Variants in PRMT1 observed in about 807,000 individuals in gnomAD.
PRMT1 encodes protein arginine N-methyltransferase 1.
In PRMT1, 5 loss-of-function variants were observed where a neutral mutation model predicts 47.4. That is an observed-to-expected ratio of 0.11 (90% CI 0.06 to 0.22). The LOEUF (loss-of-function observed/expected upper bound fraction) is 0.22. Ranked by LOEUF, PRMT1 falls within the 10% of genes least tolerant of loss-of-function variation. The probability of loss-of-function intolerance (pLI) is 1.00; values close to 1 mark genes in which losing one functional copy is unlikely to be tolerated. For missense variants in PRMT1, 249 were observed against 518.4 expected (o/e 0.48, Z 5.05); for synonymous variants, 227 against 204.6 (o/e 1.11, Z -0.94).
chr19:49,677,508 C>T (rs376815233), intron 1 of PRMT1, 192 bp downstream of exon 1: 75 of 437,778 alleles, frequency 1.7e-4, no homozygotes, highest in African/African-American at 9.3e-4. Flanking sequence ...GGGCCTTCGG[C>T]ATCCGGCCTA....
rs758620110 is a variant in PRMT1 at position 49,688,268 on chromosome 19, C to A, written c.*23C>A. ...TGAGGCCCGGCTCTCCCGCCCTGCACGAGCCCAGGGGCTGAGCGTTCCTAG... is the reference window on the plus strand; with the variant it reads ...TGAGGCCCGGCTCTCCCGCCCTGCAAGAGCCCAGGGGCTGAGCGTTCCTAG... On this transcript the variant is annotated 3_prime_UTR_variant, in exon 11 of 11. Coordinates refer to ENST00000454376, the MANE Select transcript of PRMT1 (RefSeq NM_001536.6). This position sits in a 1 kb window ranked among gnomAD's most constrained non-coding sequence, Gnocchi z 5.3. 2.5e-6 allele frequency: 4 copies of A among 1,610,682 alleles called. No individual in the cohort carries two copies. The highest frequency in any genetic ancestry group is 2.5e-6 in the Non-Finnish European group (3 of 1,177,764).
chr19:49,683,583 G>A (rs1426526275), intron 5 of PRMT1: 11 of 199,052 alleles, frequency 5.5e-5, no homozygotes, highest in Non-Finnish European at 1.2e-4. Context: ...AGCTACTCGG[G>A]AGGCTGAAGC....
upstream of PRMT1, chr19:49,677,160 T>G: frequency 1.0e-6 from 1 of 988,902 alleles, no homozygotes; most frequent in Non-Finnish European, 1.4e-6. Context: ...CCATTGCCAA[T>G]GAAATCTTCC....
intron 10 of PRMT1, among the ~76,000 whole-genome samples, chr19:49,687,082 G>T (rs945255482): frequency 5.3e-5 from 8 of 152,180 alleles, no homozygotes; most frequent in Non-Finnish European, 1.0e-4. Flanking sequence ...GGGCAGACAG[G>T]TGTTGGTGTA....
In PRMT1 at chr19:49,684,705, G is replaced by T; in HGVS notation, c.556-49G>T. 1 of 1,526,654 alleles carries T rather than the reference G, an allele frequency of 6.6e-7. No individual in the cohort carries two copies. The highest frequency in any genetic ancestry group is 8.9e-7 in the Non-Finnish European group (1 of 1,127,156). 94.6% of individuals were successfully genotyped at this position (1,526,654 alleles called of 1,614,324 possible). Reference sequence around the variant, plus strand: ...CCACATCTTGGAGGCAAGACTCAGGGTAGTGTTGCCAGGCCCCACCCTTCA... The same window carrying T: ...CCACATCTTGGAGGCAAGACTCAGGTTAGTGTTGCCAGGCCCCACCCTTCA... On this transcript the variant is annotated intron_variant, in intron 6 of 10. Transcript: ENST00000454376. The surrounding 1 kb of genome is among the most constrained non-coding windows in gnomAD (Gnocchi z 6.2).
In PRMT1 at chr19:49,685,433, C is replaced by T; in HGVS notation, c.759+396C>T. The stretch of plus-strand genomic sequence containing the variant: ...AGCTACTCGGGAGGATCACTTGGGC[C>T]TGGGAGTTCAAGGCTGCAGTGAGCT... On this transcript the variant is annotated intron_variant, in intron 8 of 10. Transcript: ENST00000454376. This position sits in a 1 kb window ranked among gnomAD's most constrained non-coding sequence, Gnocchi z 4.7. 3 of 1,183,220 alleles carry T rather than the reference C, an allele frequency of 2.5e-6. No individual in the cohort carries two copies. The highest frequency in any genetic ancestry group is 3.8e-4 in the Middle Eastern group (1 of 2,650). The allele number at this position is 1,183,220 out of a possible 1,614,324, so 73.3% of individuals were successfully genotyped here. A position where few individuals can be genotyped will look rare whatever the true frequency, so the allele number is the denominator to read the frequency against.
chr19:49,688,077 C>A lies in PRMT1; in HGVS notation c.1033-85C>A. 8.4e-7 allele frequency: 1 copy of A among 1,187,394 alleles called. No individual in the cohort carries two copies. Among genetic ancestry groups the A allele is most frequent in the Non-Finnish European group, 1.3e-6 (1 of 791,654 alleles). 73.6% of individuals were successfully genotyped at this position (1,187,394 alleles called of 1,614,324 possible). On this transcript the variant is annotated intron_variant, in intron 10 of 10. Coordinates refer to ENST00000454376, the MANE Select transcript of PRMT1 (RefSeq NM_001536.6). This position sits in a 1 kb window ranked among gnomAD's most constrained non-coding sequence, Gnocchi z 5.3. ...AGATGGGCAGGAAGCTGGAGCCCGG[C>A]TCATCGTCGCATAGCCTGCCTGCAC...
At chr19:49,676,545 A>G (rs1372012178), upstream of PRMT1, 3 of 152,152 alleles carry the variant, frequency 2.0e-5, no homozygotes, top group African/African-American at 7.2e-5. Flanking sequence ...CTAGGGATTT[A>G]ATGTGTTGAC....
Position 49,685,391 on chromosome 19 carries a change from G to C in PRMT1, c.759+354G>C, listed in dbSNP as rs2082190002. The C allele has an allele frequency of 8.1e-7, 1 of 1,229,492 alleles. No individual in the cohort carries two copies. Among genetic ancestry groups the C allele is most frequent in the African/African-American group, 1.6e-5 (1 of 64,318 alleles). 76.2% of individuals were successfully genotyped at this position (1,229,492 alleles called of 1,614,324 possible). A position where few individuals can be genotyped will look rare whatever the true frequency, so the allele number is the denominator to read the frequency against. On this transcript the variant is annotated intron_variant, in intron 8 of 10. Transcript: ENST00000454376. This position sits in a 1 kb window ranked among gnomAD's most constrained non-coding sequence, Gnocchi z 4.7. Reference sequence around the variant, plus strand: ...AGCACGGGGCCAGGCTGGGCTCCGAGATGTGCCTGAGGTCCCAGCTACTCG... The same window carrying C: ...AGCACGGGGCCAGGCTGGGCTCCGACATGTGCCTGAGGTCCCAGCTACTCG...
chr19:49,685,508 T>G lies in PRMT1; in HGVS notation c.759+471T>G. The G allele has an allele frequency of 9.8e-7, 1 of 1,020,778 alleles. No homozygotes were observed. Among genetic ancestry groups the G allele is most frequent in the Admixed American group, 5.3e-5 (1 of 18,728 alleles). 63.2% of individuals were successfully genotyped at this position (1,020,778 alleles called of 1,614,324 possible). ...TTTGGTGACAATGTTTTGTTTTGTT[T>G]TTTCCTTTTGTTTTTTTTTACTTCT... On this transcript the variant is annotated intron_variant, in intron 8 of 10. Coordinates refer to ENST00000454376, the MANE Select transcript of PRMT1 (RefSeq NM_001536.6). This position sits in a 1 kb window ranked among gnomAD's most constrained non-coding sequence, Gnocchi z 4.7.
chr19:49,684,163 C>A lies in PRMT1; in HGVS notation c.555+94C>A. 1 of 1,519,716 alleles carries A rather than the reference C, an allele frequency of 6.6e-7. No individual in the cohort carries two copies. The allele number at this position is 1,519,716 out of a possible 1,614,324, so 94.1% of individuals were successfully genotyped here. On this transcript the variant is annotated intron_variant, in intron 6 of 10. Transcript: ENST00000454376. This position sits in a 1 kb window ranked among gnomAD's most constrained non-coding sequence, Gnocchi z 6.2. ...CAATTTTTCCCACAGACGGGACTTACTGTGGGGGCTTAGCTGCAAGGTGTT... is the reference window on the plus strand; with the variant it reads ...CAATTTTTCCCACAGACGGGACTTAATGTGGGGGCTTAGCTGCAAGGTGTT...
Position 49,680,712 on chromosome 19 carries a change from C to T in PRMT1, c.192+124C>T, listed in dbSNP as rs2082104579. On this transcript the variant is annotated intron_variant, in intron 3 of 10. Transcript: ENST00000454376. This position sits in a 1 kb window ranked among gnomAD's most constrained non-coding sequence, Gnocchi z 4.2. ...GGCCGCAGGCCGCCCCCCTGCCCCT[C>T]TGCTGCGCACTTCCTAGGGTCGCCT... 7 of 774,160 alleles carry T rather than the reference C, an allele frequency of 9.0e-6. No individual in the cohort carries two copies. The highest frequency in any genetic ancestry group is 2.6e-4 in the Middle Eastern group (1 of 3,912). 48.0% of individuals were successfully genotyped at this position (774,160 alleles called of 1,614,324 possible). A position where few individuals can be genotyped will look rare whatever the true frequency, so the allele number is the denominator to read the frequency against.
Position 49,681,875 on chromosome 19 carries a change from C to G in PRMT1, c.193-35C>G, listed in dbSNP as rs757128021. On this transcript the variant is annotated intron_variant, in intron 3 of 10. Coordinates refer to ENST00000454376, the MANE Select transcript of PRMT1 (RefSeq NM_001536.6). This position sits in a 1 kb window ranked among gnomAD's most constrained non-coding sequence, Gnocchi z 4.4. ...CTGTTCTCCAGCTGGGGATATGGGG[C>G]CCCTCACGGCGTCTCTGTGCCATTC... 1 of 1,589,452 alleles carries G rather than the reference C, an allele frequency of 6.3e-7. No individual in the cohort carries two copies. The highest frequency in any genetic ancestry group is 1.7e-5 in the Admixed American group (1 of 58,684).
At chr19:49,682,483 T>G (rs1030078227) in intron 5 of PRMT1, among the ~76,000 whole-genome samples, 2 of 152,204 alleles carry the variant, frequency 1.3e-5, no homozygotes, top group African/African-American at 4.8e-5. Context: ...GTTTCTTGAA[T>G]GAGTAATAGA....
At chr19:49,676,720 A>C (rs1308794098), upstream of PRMT1, among the ~76,000 whole-genome samples, 1 of 152,004 alleles carries the variant, frequency 6.6e-6, no homozygotes, top group East Asian at 1.9e-4. Flanking sequence ...AGGAGTGATA[A>C]TTCCTTTGAG....
chr19:49,685,367 G>C lies in PRMT1; in HGVS notation c.759+330G>C. On this transcript the variant is annotated intron_variant, in intron 8 of 10. Transcript: ENST00000454376. This position sits in a 1 kb window ranked among gnomAD's most constrained non-coding sequence, Gnocchi z 4.7. ...CATGCACGCGGGCCACTGCAGAAGAGCACGGGGCCAGGCTGGGCTCCGAGA... is the reference window on the plus strand; with the variant it reads ...CATGCACGCGGGCCACTGCAGAAGACCACGGGGCCAGGCTGGGCTCCGAGA... 7.9e-7 allele frequency: 1 copy of C among 1,261,304 alleles called. No individual in the cohort carries two copies. The highest frequency in any genetic ancestry group is 1.0e-6 in the Non-Finnish European group (1 of 990,352). The allele number at this position is 1,261,304 out of a possible 1,614,324, so 78.1% of individuals were successfully genotyped here. A position where few individuals can be genotyped will look rare whatever the true frequency, so the allele number is the denominator to read the frequency against.
rs763489997 is a variant in PRMT1 at position 49,679,939 on chromosome 19, TG to T, written c.90+15del. 6.2e-7 allele frequency: 1 copy of T among 1,607,476 alleles called. No homozygotes were observed. Among genetic ancestry groups the T allele is most frequent in the South Asian group, 1.1e-5 (1 of 90,346 alleles). On this transcript the variant is annotated intron_variant, in intron 2 of 10. Transcript: ENST00000454376. Reference sequence around the variant, plus strand: ...CCTCTTGAAGAAGTAAATATCCTTTTGTGAGACCCCTCCCCACCCTGACCTC... The same window carrying T: ...CCTCTTGAAGAAGTAAATATCCTTTTTGAGACCCCTCCCCACCCTGACCTC...
In PRMT1 at chr19:49,682,185, T is replaced by C. The variant is rs751023773; in HGVS notation, c.349-11T>C. 1.5e-5 allele frequency: 25 copies of C among 1,614,028 alleles called. No homozygotes were observed. The highest frequency in any genetic ancestry group is 1.3e-4 in the Admixed American group (8 of 60,006). ...GATGGGTCTCACCCTCCCTTCTTCC[T>C]GGGCCCTCAGATCGAGTGTTCCAGT... On this transcript the variant is annotated splice_polypyrimidine_tract_variant and intron_variant, in intron 4 of 10. Coordinates refer to ENST00000454376, the MANE Select transcript of PRMT1 (RefSeq NM_001536.6).
In PRMT1 at chr19:49,688,352, C is replaced by T; in HGVS notation, c.*107C>T. ...TCCCGCAGAAGGGGGTTTTAGGGGC[C>T]TGGGCTGGGGGGATGGGGAGGGCAC... is the stretch of plus-strand genomic sequence containing the variant. On this transcript the variant is annotated 3_prime_UTR_variant, in exon 11 of 11. Transcript: ENST00000454376. The surrounding 1 kb of genome is among the most constrained non-coding windows in gnomAD (Gnocchi z 5.3). 1 of 1,087,704 alleles carries T rather than the reference C, an allele frequency of 9.2e-7. No homozygotes were observed. The highest frequency in any genetic ancestry group is 1.4e-6 in the Non-Finnish European group (1 of 718,866). The allele number at this position is 1,087,704 out of a possible 1,614,324, so 67.4% of individuals were successfully genotyped here. A position where few individuals can be genotyped will look rare whatever the true frequency, so the allele number is the denominator to read the frequency against.
Sources: gnomAD v4.1 joint callset for allele counts (sites outside exome capture counted in the v4.1 genomes callset) on GRCh38, gnomAD v4.1.1 for gene constraint, Gnocchi (gnomAD v3.1) non-coding constraint, MANE v1.5 for transcripts, NCBI Gene and HGNC (gene_info 2026-07-23, HGNC 2026-07-21) for gene names.